Variants in FRMD6 observed in about 807,000 individuals in gnomAD.
FRMD6 encodes FERM domain-containing protein 6.
In FRMD6, 37 loss-of-function variants were observed where a neutral mutation model predicts 73.2. The observed-to-expected ratio is 0.51, with a 90% CI of 0.39 to 0.66. FRMD6 has a LOEUF of 0.66. FRMD6 is among the 30% of genes least tolerant of loss of function. The pLI is 0.00. For missense variants in FRMD6, 714 were observed against 780.5 expected (o/e 0.91, Z 1.02); for synonymous variants, 273 against 282.2 (o/e 0.97, Z 0.33).
chr14:51,631,914 G>A (rs1483910195), intron 2 of FRMD6, among the ~76,000 whole-genome samples: 1 of 152,188 alleles, frequency 6.6e-6, no homozygotes, highest in Non-Finnish European at 1.5e-5. Flanking sequence ...AATAACATTA[G>A]CATAGATCGA....
chr14:51,470,278 G>A, the FRMD6 span, among the ~76,000 whole-genome samples: 2 of 152,164 alleles, frequency 1.3e-5, no homozygotes, highest in Non-Finnish European at 2.9e-5. Flanking sequence ...CAGCACTTCG[G>A]GAGGCCAAGG....
At chr14:51,699,469 A>T (rs1896152149) in intron 3 of FRMD6, among the ~76,000 whole-genome samples, 1 of 152,110 alleles carries the variant, frequency 6.6e-6, no homozygotes, top group Non-Finnish European at 1.5e-5. Flanking sequence ...AAACCAGTTT[A>T]TAGCTTCCTT....
chr14:51,488,006 T>A (rs1012496235), upstream of FRMD6, among the ~76,000 whole-genome samples: 47 of 152,232 alleles, frequency 3.1e-4, no homozygotes, highest in Non-Finnish European at 6.5e-4. Context: ...CATGGCTGAA[T>A]GAAGTGTTCA....
intron 1 of FRMD6, among the ~76,000 whole-genome samples, chr14:51,525,546 G>A (rs1210370365): frequency 6.6e-6 from 1 of 152,112 alleles, no homozygotes; most frequent in East Asian, 1.9e-4. Flanking sequence ...GCCTCCCAAA[G>A]TGCTGGGATT....
chr14:51,473,344 C>A, the FRMD6 span, among the ~76,000 whole-genome samples: 23 of 152,208 alleles, frequency 1.5e-4, no homozygotes, highest in Non-Finnish European at 2.2e-4. Context: ...TGGTCTGTTG[C>A]AGTTTCTAAG....
At chr14:51,505,634 C>T (rs1883917185) in intron 1 of FRMD6, among the ~76,000 whole-genome samples, 1 of 152,146 alleles carries the variant, frequency 6.6e-6, no homozygotes, top group African/African-American at 2.4e-5. Flanking sequence ...TTTATAATTT[C>T]CCTTTCAATA....
the FRMD6 span, among the ~76,000 whole-genome samples, chr14:51,453,705 A>G: frequency 2.6e-5 from 4 of 152,296 alleles, no homozygotes; most frequent in South Asian, 8.3e-4. Flanking sequence ...ACACACACAG[A>G]CACACTCACC....
chr14:51,642,956 A>C (rs1891877514), intron 2 of FRMD6, among the ~76,000 whole-genome samples: 1 of 152,184 alleles, frequency 6.6e-6, no homozygotes, highest in East Asian at 1.9e-4. Flanking sequence ...GTCAGGAGAG[A>C]ATGGCCTAGG....
At chr14:51,453,627 T>C in the FRMD6 span, among the ~76,000 whole-genome samples, 2 of 152,176 alleles carry the variant, frequency 1.3e-5, no homozygotes, top group East Asian at 1.9e-4. Context: ...CTCTTTAGAA[T>C]TGAAGGACCT....
chr14:51,540,997 C>T (rs1179692351), intron 1 of FRMD6, among the ~76,000 whole-genome samples: 1 of 152,090 alleles, frequency 6.6e-6, no homozygotes, highest in Non-Finnish European at 1.5e-5. Context: ...CCTCTCTTAA[C>T]TTTCCTCCTA....
intron 1 of FRMD6, among the ~76,000 whole-genome samples, chr14:51,534,118 G>A (rs1051773525): frequency 2.6e-5 from 4 of 152,128 alleles, no homozygotes; most frequent in Non-Finnish European, 5.9e-5. Flanking sequence ...GGGTACACAG[G>A]GAACTCACCC....
intron 2 of FRMD6, among the ~76,000 whole-genome samples, chr14:51,588,517 C>G (rs1437319361): frequency 6.6e-6 from 1 of 151,914 alleles, no homozygotes; most frequent in Admixed American, 6.6e-5. Flanking sequence ...GCAGAAATAC[C>G]CTCCCCTGCT....
At chr14:51,456,046 G>A in the FRMD6 span, among the ~76,000 whole-genome samples, 7 of 152,152 alleles carry the variant, frequency 4.6e-5, no homozygotes, top group East Asian at 1.9e-4. Flanking sequence ...ATCCAGACGC[G>A]GATAAAGTCT....
chr14:51,486,058 G>A (rs185003016), upstream of FRMD6, among the ~76,000 whole-genome samples: 1,458 of 149,236 alleles, frequency 9.8e-3, 4 homozygotes, highest in South Asian at 0.025. Context: ...GTTTTGAGAT[G>A]GAGTCTCGCA....
chr14:51,546,187 G>A (rs1428999515), intron 1 of FRMD6, among the ~76,000 whole-genome samples: 1 of 152,064 alleles, frequency 6.6e-6, no homozygotes, highest in Non-Finnish European at 1.5e-5. Context: ...ATTGGTTCTT[G>A]TAAATCTCAA....
the FRMD6 span, among the ~76,000 whole-genome samples, chr14:51,420,541 A>G: frequency 0.92 from 140,063 of 152,082 alleles, 64,760 homozygotes; most frequent in African/African-American, 0.97. Flanking sequence ...CACATCTGTG[A>G]GTTCCTCATC....
rs920429934 is a variant in FRMD6, at chr14:51,729,988, G to A, written c.*1959G>A. 2 of 152,586 alleles carry A rather than the reference G, an allele frequency of 1.3e-5. No homozygotes were observed. The highest frequency in any genetic ancestry group is 2.9e-5 in the Non-Finnish European group (2 of 68,038). The allele number at this position is 152,586 out of a possible 1,614,324, so 9.5% of individuals were successfully genotyped here. A position where few individuals can be genotyped will look rare whatever the true frequency, so the allele number is the denominator to read the frequency against. On this transcript the variant is annotated 3_prime_UTR_variant, in exon 14 of 14. Coordinates refer to ENST00000344768, the MANE Select transcript of FRMD6 (RefSeq NM_001267046.2). ...AGTATGAAAGGATCATTTAATGACT[G>A]TTTTACTTATAAGTCATTAAGTAAT...
intron 2 of FRMD6, among the ~76,000 whole-genome samples, chr14:51,638,200 C>G (rs571822248): frequency 6.6e-6 from 1 of 152,154 alleles, no homozygotes; most frequent in East Asian, 1.9e-4. Flanking sequence ...GGGGGGATCA[C>G]GAGTCCAGGA....
At chr14:51,599,944 C>A (rs972714152) in intron 2 of FRMD6, 2 of 150,012 alleles carry the variant, frequency 1.3e-5, no homozygotes, top group Non-Finnish European at 3.0e-5. Flanking sequence ...GGAGTCCTGG[C>A]CTCTATTTCA....
Sources: allele counts gnomAD v4.1 joint callset (sites outside exome capture counted in the v4.1 genomes callset), GRCh38; gene constraint gnomAD v4.1.1; transcripts MANE v1.5; gene names NCBI Gene and HGNC (gene_info 2026-07-23, HGNC 2026-07-21).